Variants in PRP4K observed in about 807,000 individuals in gnomAD.
PRP4K encodes the protein serine/threonine-protein kinase PRP4 homolog.
At chr6:4,051,631 A>C in the PRP4K span, among the ~76,000 whole-genome samples, 2 of 152,208 alleles carry the variant, frequency 1.3e-5, no homozygotes, top group South Asian at 4.1e-4. Flanking sequence ...TTGAGATAAA[A>C]TATACAAGAT....
the PRP4K span, among the ~76,000 whole-genome samples, chr6:4,041,971 T>C: frequency 6.6e-6 from 1 of 152,232 alleles, no homozygotes; most frequent in South Asian, 2.1e-4. Context: ...GAGGTGGTAT[T>C]TGAGGGTTAG....
chr6:4,049,649 T>G, the PRP4K span: 8 of 1,370,158 alleles, frequency 5.8e-6, no homozygotes, highest in Non-Finnish European at 8.0e-6. Flanking sequence ...TTAACACAAT[T>G]TTTAAATGAC....
chr6:4,064,436 A>G, the PRP4K span: 3 of 152,644 alleles, frequency 2.0e-5, no homozygotes, highest in South Asian at 4.1e-4. Context: ...CTGAGATGAA[A>G]CAAAGGAATC....
At chr6:4,024,421 G>A in the PRP4K span, among the ~76,000 whole-genome samples, 3 of 151,854 alleles carry the variant, frequency 2.0e-5, no homozygotes, top group Non-Finnish European at 2.9e-5. Context: ...CACTTTGCTC[G>A]CCACTAAAAA....
At chr6:4,060,345 C>T in the PRP4K span, 7 of 1,406,946 alleles carry the variant, frequency 5.0e-6, no homozygotes, top group East Asian at 1.7e-4. This position sits in a 1 kb window ranked among gnomAD's most constrained non-coding sequence, Gnocchi z 4.7. Flanking sequence ...GACCCCAAAA[C>T]AATCTGATTT....
At chr6:4,032,121 A>G in the PRP4K span, 6 of 1,613,170 alleles carry the variant, frequency 3.7e-6, no homozygotes, top group Non-Finnish European at 5.1e-6. Flanking sequence ...AAAGAAAAGT[A>G]AGGGGGGTAT....
chr6:4,054,962 A>C, the PRP4K span, among the ~76,000 whole-genome samples: 1 of 152,214 alleles, frequency 6.6e-6, no homozygotes. Flanking sequence ...ACCTAATGCT[A>C]AACTAGTATA....
the PRP4K span, among the ~76,000 whole-genome samples, chr6:4,027,688 C>T: frequency 6.7e-6 from 1 of 149,886 alleles, no homozygotes; most frequent in Non-Finnish European, 1.5e-5. Flanking sequence ...AACACCTTTT[C>T]AGGTAGGTAC....
At chr6:4,037,624 C>T in the PRP4K span, 1 of 1,524,550 alleles carries the variant, frequency 6.6e-7, no homozygotes, top group Non-Finnish European at 8.9e-7. Context: ...TTTGAACCAC[C>T]AGTGAGCTCA....
the PRP4K span, among the ~76,000 whole-genome samples, chr6:4,038,187 T>C: frequency 6.6e-6 from 1 of 152,224 alleles, no homozygotes; most frequent in South Asian, 2.1e-4. Flanking sequence ...CAAAGGCTTA[T>C]ATTATAGCCA....
the PRP4K span, among the ~76,000 whole-genome samples, chr6:4,040,215 CATGTT>C: frequency 1.1e-4 from 17 of 151,676 alleles, 1 homozygote; most frequent in African/African-American, 4.1e-4. Context: ...CATTTACTGT[CATGTT>C]AGTGAGGTTT....
chr6:4,047,382 A>G, the PRP4K span: 105 of 783,230 alleles, frequency 1.3e-4, no homozygotes, highest in South Asian at 2.0e-3. Context: ...GAATCTGAAA[A>G]CTCTACTAGT....
chr6:4,030,579 C>T, the PRP4K span, among the ~76,000 whole-genome samples: 19 of 152,134 alleles, frequency 1.2e-4, no homozygotes, highest in African/African-American at 4.1e-4. Context: ...GGCTCGACAA[C>T]GTAATTTAGA....
At chr6:4,039,634 A>G in the PRP4K span, among the ~76,000 whole-genome samples, 1 of 152,112 alleles carries the variant, frequency 6.6e-6, no homozygotes, top group Non-Finnish European at 1.5e-5. Context: ...GGAGTCTCCA[A>G]TTCCTGAGGC....
the PRP4K span, among the ~76,000 whole-genome samples, chr6:4,026,093 C>G: frequency 6.6e-6 from 1 of 152,184 alleles, no homozygotes; most frequent in Non-Finnish European, 1.5e-5. Flanking sequence ...CCTCCGCCTC[C>G]TGGGTTCAAG....
At chr6:4,058,923 C>A in the PRP4K span, 2 of 810,012 alleles carry the variant, frequency 2.5e-6, no homozygotes, top group Non-Finnish European at 3.8e-6. Flanking sequence ...GTAAGTATTT[C>A]CTTTTTGCTG....
chr6:4,027,169 A>G, the PRP4K span, among the ~76,000 whole-genome samples: 1 of 152,182 alleles, frequency 6.6e-6, no homozygotes, highest in South Asian at 2.1e-4. Context: ...ATCAAATGGA[A>G]GATCTTTTGA....
At chr6:4,038,538 T>A in the PRP4K span, among the ~76,000 whole-genome samples, 1 of 151,874 alleles carries the variant, frequency 6.6e-6, no homozygotes, top group African/African-American at 2.4e-5. Context: ...AATGATCCGC[T>A]CGTCTTGGCC....
chr6:4,021,463 C>G, the PRP4K span: 1 of 1,583,230 alleles, frequency 6.3e-7, no homozygotes, highest in Non-Finnish European at 8.6e-7. Flanking sequence ...CGGGAGCAGC[C>G]AGAGTAAGTA....
Sources: gnomAD v4.1 joint callset for allele counts (sites outside exome capture counted in the v4.1 genomes callset) on GRCh38, gnomAD v4.1.1 for gene constraint, Gnocchi (gnomAD v3.1) non-coding constraint, MANE v1.5 for transcripts, NCBI Gene and HGNC (gene_info 2026-07-23, HGNC 2026-07-21) for gene names.